CNTN4: variants seen among roughly 807,000 people sequenced by gnomAD.
CNTN4 encodes contactin-4.
Under a neutral mutation model 122.5 loss-of-function variants are expected in CNTN4, and 77 were observed. The observed-to-expected ratio is 0.63, with a 90% CI of 0.52 to 0.76. CNTN4 has a LOEUF of 0.76. CNTN4 is among the 30% of genes least tolerant of loss of function. The probability of loss-of-function intolerance (pLI) is 0.00; values close to 1 mark genes in which losing one functional copy is unlikely to be tolerated. For synonymous variants in CNTN4, 512 were observed against 447.0 expected (o/e 1.15, Z -1.83); for missense variants, 1,256 against 1,259.1 (o/e 1.00, Z 0.04).
At chr3:2,990,939 C>T (rs1694997974) in intron 14 of CNTN4, among the ~76,000 whole-genome samples, 1 of 151,928 alleles carries the variant, frequency 6.6e-6, no homozygotes, top group South Asian at 2.1e-4. Context: ...ACTAGTTTTC[C>T]ACTAACGGCA....
chr3:2,139,039 T>G (rs995039368), intron 2 of CNTN4, among the ~76,000 whole-genome samples: 2 of 152,178 alleles, frequency 1.3e-5, no homozygotes, highest in Non-Finnish European at 2.9e-5. Context: ...ACTTGGGTAG[T>G]GCATCTTTTT....
intron 2 of CNTN4, among the ~76,000 whole-genome samples, chr3:2,103,181 CTT>C (rs200002968): frequency 9.2e-5 from 13 of 141,042 alleles, no homozygotes; most frequent in Admixed American, 1.4e-4. Context: ...TTTTTAACAG[CTT>C]TTTTTTTTTT....
chr3:2,363,509 C>G (rs990284890), intron 3 of CNTN4, among the ~76,000 whole-genome samples: 2 of 152,170 alleles, frequency 1.3e-5, no homozygotes, highest in African/African-American at 4.8e-5. Flanking sequence ...TTATATGTCT[C>G]ATTTTTAAGC....
intron 6 of CNTN4, among the ~76,000 whole-genome samples, chr3:2,746,814 G>T (rs569572987): frequency 6.6e-6 from 1 of 152,342 alleles, no homozygotes; most frequent in South Asian, 2.1e-4. Context: ...TGTCTCTTGA[G>T]ATAGTCTTCT....
chr3:2,182,354 C>G (rs1205995118), intron 2 of CNTN4, among the ~76,000 whole-genome samples: 1 of 151,976 alleles, frequency 6.6e-6, no homozygotes, highest in Non-Finnish European at 1.5e-5. Context: ...AATAAATTCA[C>G]AACACTAATT....
intron 2 of CNTN4, among the ~76,000 whole-genome samples, chr3:2,122,154 C>CAA (rs140011839): frequency 4.2e-4 from 58 of 138,512 alleles, no homozygotes; most frequent in South Asian, 9.0e-4. Context: ...CACTCCATCT[C>CAA]AAAAAAAAAA....
intron 23 of CNTN4, among the ~76,000 whole-genome samples, chr3:3,045,244 A>G (rs112289096): frequency 0.084 from 12,775 of 152,258 alleles, 679 homozygotes; most frequent in Admixed American, 0.11. Flanking sequence ...ACCTCTGCAG[A>G]CTTAAATGTC....
In CNTN4 at chr3:2,772,102, G is replaced by A. The variant is rs944295365; in HGVS notation, c.358+26405G>A. On this transcript the variant is annotated intron_variant, in intron 6 of 24. Coordinates refer to ENST00000418658, the MANE Select transcript of CNTN4 (RefSeq NM_175607.3). Reference sequence around the variant, plus strand: ...ATGATGGAGGACCTTGTTTGACATGGTAATGAGCTTTAGCTAATCTTTTGG... The same window carrying A: ...ATGATGGAGGACCTTGTTTGACATGATAATGAGCTTTAGCTAATCTTTTGG... Among the ~76,000 whole-genome samples, 3 of 152,086 alleles carry A rather than the reference G, an allele frequency of 2.0e-5. 1 individual carries two copies. Among genetic ancestry groups the A allele is most frequent in the South Asian group, 4.1e-4 (2 of 4,822 alleles).
At chr3:2,219,510 G>A (rs1044032936) in intron 2 of CNTN4, among the ~76,000 whole-genome samples, 2 of 151,962 alleles carry the variant, frequency 1.3e-5, no homozygotes, top group Non-Finnish European at 2.9e-5. Context: ...TGTTTATTAT[G>A]TTGAGGCCCC....
At chr3:2,743,769 C>A (rs1338214619) in intron 5 of CNTN4, among the ~76,000 whole-genome samples, 3 of 152,170 alleles carry the variant, frequency 2.0e-5, no homozygotes, top group Non-Finnish European at 4.4e-5. Flanking sequence ...GGAGCATGGA[C>A]AATTCCGTAG....
At chr3:3,054,127 C>A in intron 24 of CNTN4, 152 bp downstream of exon 24, 1 of 840,504 alleles carries the variant, frequency 1.2e-6, no homozygotes, top group Non-Finnish European at 1.9e-6. Flanking sequence ...GTTTGCTGGC[C>A]ATAGGCAGTT....
At chr3:2,218,731 C>T (rs1029418771) in intron 2 of CNTN4, among the ~76,000 whole-genome samples, 3 of 152,262 alleles carry the variant, frequency 2.0e-5, no homozygotes, top group Middle Eastern at 3.4e-3. Flanking sequence ...AGTTTACATA[C>T]AGCAAAGAAG....
intron 5 of CNTN4, among the ~76,000 whole-genome samples, chr3:2,740,865 C>G (rs2089419419): frequency 6.6e-6 from 1 of 152,124 alleles, no homozygotes; most frequent in African/African-American, 2.4e-5. Flanking sequence ...TTAGAATTTA[C>G]TTTACATGCT....
intron 14 of CNTN4, among the ~76,000 whole-genome samples, chr3:3,008,087 A>G (rs1235726820): frequency 2.6e-5 from 4 of 152,214 alleles, no homozygotes; most frequent in Non-Finnish European, 4.4e-5. Flanking sequence ...CTATTCAGCC[A>G]TGTAGAGAAT....
intron 2 of CNTN4, among the ~76,000 whole-genome samples, chr3:2,123,618 C>G (rs990562100): frequency 6.6e-6 from 1 of 152,162 alleles, no homozygotes; most frequent in Non-Finnish European, 1.5e-5. Flanking sequence ...ACTGACATCT[C>G]GCAAGATTAA....
chr3:2,916,902 C>G (rs896275846), intron 12 of CNTN4, among the ~76,000 whole-genome samples: 1 of 150,374 alleles, frequency 6.7e-6, no homozygotes, highest in Non-Finnish European at 1.5e-5. Context: ...GACGGGGTGG[C>G]GGCCGGGCAG....
intron 13 of CNTN4, among the ~76,000 whole-genome samples, chr3:2,959,745 A>C (rs1386569434): frequency 6.6e-6 from 1 of 152,042 alleles, no homozygotes; most frequent in Non-Finnish European, 1.5e-5. Context: ...AGTTTATTCC[A>C]GACGTAAATT....
intron 6 of CNTN4, among the ~76,000 whole-genome samples, chr3:2,783,916 A>G (rs1016768523): frequency 1.3e-5 from 2 of 152,214 alleles, no homozygotes; most frequent in Non-Finnish European, 2.9e-5. Flanking sequence ...TCAATTTACA[A>G]TATTTGTAAT....
intron 2 of CNTN4, among the ~76,000 whole-genome samples, chr3:2,107,234 C>T (rs1006398496): frequency 6.6e-6 from 1 of 152,138 alleles, no homozygotes; most frequent in African/African-American, 2.4e-5. Flanking sequence ...ATAGCAGTAC[C>T]CCACTCTCTG....
Sources: gnomAD v4.1 joint callset for allele counts (sites outside exome capture counted in the v4.1 genomes callset) on GRCh38, gnomAD v4.1.1 for gene constraint, MANE v1.5 for transcripts, NCBI Gene and HGNC (gene_info 2026-07-23, HGNC 2026-07-21) for gene names.